Variants in NCOA6 observed in about 807,000 individuals in gnomAD.
NCOA6 encodes nuclear receptor coactivator 6, also known as NRC RAP250.
Under a neutral mutation model 171.4 loss-of-function variants are expected in NCOA6, and 49 were observed. The observed-to-expected ratio is 0.29, with a 90% confidence interval of 0.23 to 0.36. NCOA6 has a LOEUF of 0.36. NCOA6 is among the 10% of genes least tolerant of loss of function. The pLI, the probability that NCOA6 is intolerant of heterozygous loss-of-function variation, is 1.00. For synonymous variants in NCOA6, 910 were observed against 927.5 expected (o/e 0.98, Z 0.34); for missense variants, 2,248 against 2,554.5 (o/e 0.88, Z 2.59).
intron 10 of NCOA6, among the ~76,000 whole-genome samples, chr20:34,744,930 G>A (rs1421927034): frequency 6.6e-6 from 1 of 152,154 alleles, no homozygotes; most frequent in Non-Finnish European, 1.5e-5. Flanking sequence ...GGACAGCATA[G>A]ACAATATAGC....
chr20:34,730,054 C>A (rs1990424557), intron 13 of NCOA6, among the ~76,000 whole-genome samples: 1 of 114,322 alleles, frequency 8.7e-6, no homozygotes, highest in Middle Eastern at 4.1e-3. Flanking sequence ...AAAGAAAGTT[C>A]TTTTTTTAAA....
chr20:34,822,418 G>A (rs1274724781), intron 1 of NCOA6, among the ~76,000 whole-genome samples: 1 of 152,108 alleles, frequency 6.6e-6, no homozygotes. Context: ...TACCTGAAAG[G>A]CCCTTCTCTC....
intron 3 of NCOA6, among the ~76,000 whole-genome samples, chr20:34,779,982 T>C (rs1232494125): frequency 6.6e-6 from 1 of 152,230 alleles, no homozygotes; most frequent in Non-Finnish European, 1.5e-5. Context: ...CTCAGAAGCC[T>C]GTGGCTAACC....
intron 2 of NCOA6, among the ~76,000 whole-genome samples, chr20:34,784,838 T>C (rs1365609086): frequency 1.3e-5 from 2 of 152,076 alleles, no homozygotes; most frequent in African/African-American, 2.4e-5. Flanking sequence ...CCCAGCACTT[T>C]AGGCGGCTGA....
chr20:34,746,726 A>G, intron 10 of NCOA6, 81 bp downstream of exon 10: 1 of 1,419,232 alleles, frequency 7.0e-7, no homozygotes, highest in African/African-American at 1.4e-5. Context: ...ATAAAATACT[A>G]TTGTTTCCTT....
chr20:34,721,151 C>T (rs547534898), intron 14 of NCOA6, among the ~76,000 whole-genome samples: 1 of 143,906 alleles, frequency 6.9e-6, no homozygotes, highest in East Asian at 2.2e-4. Context: ...CACAAATGGC[C>T]AACTCTTTTA....
At chr20:34,823,924 T>C (rs1303254252) in intron 1 of NCOA6, among the ~76,000 whole-genome samples, 7 of 152,070 alleles carry the variant, frequency 4.6e-5, no homozygotes, top group African/African-American at 1.2e-4. Flanking sequence ...GCTCAAGAAA[T>C]CCTCCCACCT....
Position 34,758,025 on chromosome 20 carries a change from G to C in NCOA6, c.723C>G (p.His241Gln). Residue 241 changes from histidine to glutamine, a missense_variant, in exon 7 of 15, where the codon CAC (histidine) becomes CAG (glutamine). This residue lies in a region of NCOA6 where 987 missense variants were observed against 1,104.7 expected (regional missense o/e 0.89). Coordinates refer to ENST00000359003, the MANE Select transcript of NCOA6 (RefSeq NM_014071.5). The part of the protein sequence containing the change: ...HPSGSLAPPH[H>Q]PMQPVSVNRQ... ...TGTTCACAGAGACAGGCTGCATTGGGTGATGTGGGGGAGCTAAAGATCCTG... is the reference window on the plus strand; with the variant it reads ...TGTTCACAGAGACAGGCTGCATTGGCTGATGTGGGGGAGCTAAAGATCCTG... 6.2e-7 allele frequency: 1 copy of C among 1,614,058 alleles called. No homozygotes were observed. The highest frequency in any genetic ancestry group is 8.5e-7 in the Non-Finnish European group (1 of 1,180,002).
chr20:34,721,598 G>A (rs1168461136), intron 14 of NCOA6, among the ~76,000 whole-genome samples: 1 of 152,064 alleles, frequency 6.6e-6, no homozygotes, highest in African/African-American at 2.4e-5. Flanking sequence ...TTTACAGTAG[G>A]GTTCACACTC....
chr20:34,743,468 C>T, intron 10 of NCOA6, 127 bp from the exon 11 acceptor site: 1 of 968,192 alleles, frequency 1.0e-6, no homozygotes, highest in South Asian at 1.7e-5. Flanking sequence ...CAGGCATGCC[C>T]ACTCCTGGGG....
intron 5 of NCOA6, among the ~76,000 whole-genome samples, chr20:34,762,870 CTT>C (rs2076858171): frequency 6.6e-6 from 1 of 152,138 alleles, no homozygotes. Flanking sequence ...TCATACTACT[CTT>C]GATAGTATAG....
intron 12 of NCOA6, 163 bp from the exon 13 acceptor site, chr20:34,732,758 CT>C (rs2075826412): frequency 1.8e-6 from 1 of 561,240 alleles, no homozygotes; most frequent in Non-Finnish European, 3.1e-6. Context: ...ACAGATACAA[CT>C]TGGTTTGTTT....
At chr20:34,759,916 C>A (rs2076765835) in intron 5 of NCOA6, among the ~76,000 whole-genome samples, 1 of 152,162 alleles carries the variant, frequency 6.6e-6, no homozygotes, top group Non-Finnish European at 1.5e-5. Flanking sequence ...AGTTTGAGAA[C>A]TCCTCTTTCT....
At chr20:34,728,547 CAACA>C (rs1478623011) in intron 13 of NCOA6, among the ~76,000 whole-genome samples, 1 of 152,180 alleles carries the variant, frequency 6.6e-6, no homozygotes, top group Non-Finnish European at 1.5e-5. Context: ...AAGCCCCACA[CAACA>C]AACAGTTATC....
chr20:34,793,715 CA>C (rs1014361324), intron 1 of NCOA6, among the ~76,000 whole-genome samples: 4 of 151,200 alleles, frequency 2.6e-5, no homozygotes, highest in African/African-American at 9.7e-5. Context: ...CATTGTAAGT[CA>C]AAAAAACAAC....
intron 5 of NCOA6, among the ~76,000 whole-genome samples, chr20:34,761,716 C>A (rs1327572894): frequency 6.6e-6 from 1 of 151,952 alleles, no homozygotes; most frequent in East Asian, 1.9e-4. Flanking sequence ...AGTGCAGTGG[C>A]GCAATCTTGA....
At position 34,742,194 on chromosome 20, in the gene NCOA6, A is replaced by G; in HGVS notation, c.4062T>C (p.Leu1354=). 6.2e-7 allele frequency: 1 copy of G among 1,614,152 alleles called. No homozygotes were observed. The highest frequency in any genetic ancestry group is 8.5e-7 in the Non-Finnish European group (1 of 1,180,044). ...CTGCATTTGTCTGAGAGGCCAGAGT[A>G]AGTTTAGGGGCTTTTGAATTTTGCC... ...PGRQNSKAPK[L]TLASQTNAAL... The change falls in exon 11 of 15, where the codon CTT becomes CTC. Residue 1354 remains leucine (L), a synonymous_variant. Transcript: ENST00000359003.
At chr20:34,728,470 G>A (rs1206209568) in intron 13 of NCOA6, among the ~76,000 whole-genome samples, 1 of 152,142 alleles carries the variant, frequency 6.6e-6, no homozygotes, top group Non-Finnish European at 1.5e-5. Context: ...ATTTTTGATT[G>A]TCACAACTTG....
At chr20:34,732,647 G>C in intron 12 of NCOA6, 52 bp from the exon 13 acceptor site, 2 of 1,508,384 alleles carry the variant, frequency 1.3e-6, no homozygotes, top group Non-Finnish European at 1.8e-6. Context: ...GCCACAGAGA[G>C]AAGCTAGGAG....
Sources: allele counts gnomAD v4.1 joint callset (sites outside exome capture counted in the v4.1 genomes callset), GRCh38; gene constraint gnomAD v4.1.1; regional missense constraint gnomAD v4.1.1; transcripts MANE v1.5; gene names NCBI Gene and HGNC (gene_info 2026-07-23, HGNC 2026-07-21).